Variants in NPAS3 observed in about 807,000 individuals in gnomAD.
NPAS3 encodes neuronal PAS domain-containing protein 3.
In NPAS3, 14 loss-of-function variants were observed where a neutral mutation model predicts 73.1. That is an observed-to-expected ratio of 0.19 (90% CI 0.13 to 0.30). The LOEUF is 0.30. Ranked by LOEUF, NPAS3 falls within the 10% of genes least tolerant of loss-of-function variation. NPAS3 has a pLI of 1.00. For missense variants in NPAS3, 1,096 were observed against 1,250.0 expected (o/e 0.88, Z 1.86); for synonymous variants, 620 against 541.5 (o/e 1.14, Z -2.01).
At chr14:33,563,160 G>A (rs1458376133) in intron 5 of NPAS3, among the ~76,000 whole-genome samples, 1 of 152,128 alleles carries the variant, frequency 6.6e-6, no homozygotes, top group Non-Finnish European at 1.5e-5. Context: ...TGTCTGTATT[G>A]CTAACTCTCA....
At chr14:33,770,666 G>C (rs144896224) in intron 7 of NPAS3, among the ~76,000 whole-genome samples, 2 of 152,172 alleles carry the variant, frequency 1.3e-5, no homozygotes, top group East Asian at 3.9e-4. Context: ...TTGGGAGGCC[G>C]AGGTGGGCAT....
At chr14:33,059,242 T>C (rs2041002009) in intron 2 of NPAS3, among the ~76,000 whole-genome samples, 1 of 152,216 alleles carries the variant, frequency 6.6e-6, no homozygotes, top group East Asian at 1.9e-4. Flanking sequence ...TTTAAAGACA[T>C]TATTTTCTAT....
intron 4 of NPAS3, among the ~76,000 whole-genome samples, chr14:33,545,410 C>T (rs536245176): frequency 6.6e-6 from 1 of 152,160 alleles, no homozygotes; most frequent in Non-Finnish European, 1.5e-5. Context: ...TACGATGACA[C>T]TTTTACGTGT....
chr14:33,553,237 C>T (rs574808993), intron 4 of NPAS3, among the ~76,000 whole-genome samples: 2 of 152,280 alleles, frequency 1.3e-5, no homozygotes, highest in South Asian at 4.1e-4. Context: ...TACACAGCTC[C>T]CCCAAAATGG....
chr14:33,692,454 T>G (rs1377717013), intron 6 of NPAS3, among the ~76,000 whole-genome samples: 1 of 152,134 alleles, frequency 6.6e-6, no homozygotes, highest in Non-Finnish European at 1.5e-5. Flanking sequence ...ACTTCCCAAC[T>G]GATAGAATAG....
At chr14:33,578,854 G>A (rs1194459048) in intron 5 of NPAS3, among the ~76,000 whole-genome samples, 7 of 152,040 alleles carry the variant, frequency 4.6e-5, no homozygotes, top group Non-Finnish European at 7.4e-5. Flanking sequence ...AACAAAAACA[G>A]GGTTATCTTT....
At chr14:33,737,277 G>T (rs1284838815) in intron 7 of NPAS3, among the ~76,000 whole-genome samples, 1 of 152,156 alleles carries the variant, frequency 6.6e-6, no homozygotes, top group African/African-American at 2.4e-5. Flanking sequence ...AGTGGTAAAT[G>T]AGAAGGGACC....
chr14:33,238,975 G>C (rs924039732), intron 3 of NPAS3, among the ~76,000 whole-genome samples: 2 of 151,922 alleles, frequency 1.3e-5, no homozygotes, highest in Admixed American at 1.3e-4. Flanking sequence ...CTGCTTATCA[G>C]TTGTCCTTCA....
At chr14:33,669,707 CA>C (rs2059556867) in intron 5 of NPAS3, among the ~76,000 whole-genome samples, 1 of 152,150 alleles carries the variant, frequency 6.6e-6, no homozygotes, top group African/African-American at 2.4e-5. Context: ...TAACTGGGCC[CA>C]ATGAGTCTCA....
intron 1 of NPAS3, among the ~76,000 whole-genome samples, chr14:32,981,254 G>A (rs1178398493): frequency 6.6e-6 from 1 of 152,144 alleles, no homozygotes; most frequent in Non-Finnish European, 1.5e-5. Flanking sequence ...GCCACCAGAT[G>A]CAAAATCCAT....
intron 3 of NPAS3, among the ~76,000 whole-genome samples, chr14:33,337,842 A>G (rs1414814745): frequency 6.6e-6 from 1 of 152,072 alleles, no homozygotes; most frequent in African/African-American, 2.4e-5. Flanking sequence ...CATTTTGATG[A>G]TCATTGTGAA....
chr14:33,325,450 A>G (rs1441512419), intron 3 of NPAS3, among the ~76,000 whole-genome samples: 2 of 152,146 alleles, frequency 1.3e-5, no homozygotes, highest in Non-Finnish European at 2.9e-5. Flanking sequence ...TTTCGAGGCC[A>G]GCCTGGCCAA....
At chr14:33,190,407 G>T (rs17100352) in intron 2 of NPAS3, among the ~76,000 whole-genome samples, 3,417 of 152,318 alleles carry the variant, frequency 0.022, 135 homozygotes, top group African/African-American at 0.077. Flanking sequence ...ATTTGCTTCT[G>T]GGGATAGAGA....
chr14:33,391,731 A>T (rs2047015165), intron 4 of NPAS3, among the ~76,000 whole-genome samples: 1 of 152,220 alleles, frequency 6.6e-6, no homozygotes, highest in South Asian at 2.1e-4. Flanking sequence ...AGTGAGGCCA[A>T]TGGTAATAAC....
At chr14:33,520,961 A>G (rs2053528887) in intron 4 of NPAS3, among the ~76,000 whole-genome samples, 1 of 152,130 alleles carries the variant, frequency 6.6e-6, no homozygotes, top group Non-Finnish European at 1.5e-5. Flanking sequence ...ACCTTTATAC[A>G]TTTTACCCTT....
chr14:33,668,382 C>T (rs902289772), intron 5 of NPAS3, among the ~76,000 whole-genome samples: 1 of 152,126 alleles, frequency 6.6e-6, no homozygotes, highest in Admixed American at 6.5e-5. Context: ...GTGCATTAAG[C>T]ATATCTAAGG....
At chr14:32,968,772 C>CTTTTT (rs144725905) in intron 1 of NPAS3, among the ~76,000 whole-genome samples, 4 of 146,068 alleles carry the variant, frequency 2.7e-5, no homozygotes, top group African/African-American at 7.6e-5. Flanking sequence ...TACTTTCTTT[C>CTTTTT]TTTTTTTTTT....
intron 2 of NPAS3, among the ~76,000 whole-genome samples, chr14:33,130,727 C>T (rs1412476014): frequency 6.6e-6 from 1 of 152,070 alleles, no homozygotes; most frequent in Non-Finnish European, 1.5e-5. Context: ...GAGTTGATGC[C>T]ATATTTTGCT....
At chr14:33,600,821 T>C (rs1464594224) in intron 5 of NPAS3, among the ~76,000 whole-genome samples, 3 of 152,154 alleles carry the variant, frequency 2.0e-5, no homozygotes, top group Non-Finnish European at 4.4e-5. Context: ...CACTTTAGAG[T>C]TAAACCATCT....
Sources: gnomAD v4.1 joint callset for allele counts (sites outside exome capture counted in the v4.1 genomes callset) on GRCh38, gnomAD v4.1.1 for gene constraint, MANE v1.5 for transcripts, NCBI Gene and HGNC (gene_info 2026-07-23, HGNC 2026-07-21) for gene names.